Variants in ADAMDEC1 observed in about 807,000 individuals in gnomAD.
ADAMDEC1 encodes ADAM DEC1.
A neutral mutation model predicts 60.4 loss-of-function variants in ADAMDEC1; 62 were observed. The observed-to-expected ratio is 1.03, with a 90% CI of 0.84 to 1.27. The LOEUF is 1.27. Ranked by LOEUF, ADAMDEC1 falls within the 50% of genes most tolerant of loss-of-function variation. ADAMDEC1 has a pLI of 0.00. For synonymous variants in ADAMDEC1, 210 were observed against 195.1 expected (o/e 1.08, Z -0.64); for missense variants, 595 against 565.0 (o/e 1.05, Z -0.54).
In ADAMDEC1 at chr8:24,405,310, T is replaced by G. The variant is rs377062786; in HGVS notation, c.*12T>G. 26 of 1,612,630 alleles carry G rather than the reference T, an allele frequency of 1.6e-5. No individual in the cohort carries two copies. In the African/African-American group the frequency reaches 3.2e-4, roughly 20 times the overall value. ...CAATCAGAGAGTGAATCCAAAAGTC[T>G]GCTTCACTGAGATGCTACCTTGCCA... On this transcript the variant is annotated 3_prime_UTR_variant, in exon 14 of 14. Transcript: ENST00000256412.
At chr8:24,392,191 A>G in intron 1 of ADAMDEC1, 71 bp from the exon 2 acceptor site, 1 of 1,194,480 alleles carries the variant, frequency 8.4e-7, no homozygotes, top group Non-Finnish European at 1.2e-6. Flanking sequence ...CAAGAAATGA[A>G]AACAAAACAC....
At position 24,393,291 on chromosome 8, in the gene ADAMDEC1, G is replaced by A. The variant is rs1390747378; in HGVS notation, c.237G>A (p.Gln79=). 15 of 1,604,974 alleles carry A rather than the reference G, an allele frequency of 9.3e-6. No individual in the cohort carries two copies. The highest frequency in any genetic ancestry group is 1.3e-5 in the Non-Finnish European group (15 of 1,174,868). Residue 79 remains glutamine (Q), a synonymous_variant, in exon 3 of 14, where the codon CAG becomes CAA. Coordinates refer to ENST00000256412, the MANE Select transcript of ADAMDEC1 (RefSeq NM_014479.3). ...EERYEPEVQY[Q]MILNGEEIIL... ...GGTATGAACCTGAAGTTCAATATCAGATGATCTTAAATGGAGAAGAAATCA... is the reference window on the plus strand; with the variant it reads ...GGTATGAACCTGAAGTTCAATATCAAATGATCTTAAATGGAGAAGAAATCA...
chr8:24,386,392 C>A (rs1194440271), intron 1 of ADAMDEC1, among the ~76,000 whole-genome samples: 2 of 152,184 alleles, frequency 1.3e-5, no homozygotes, highest in Admixed American at 6.5e-5. Context: ...CTTGTACTCA[C>A]TGAACTGCTA....
intron 1 of ADAMDEC1, chr8:24,390,105 CTATTA>C: frequency 2.0e-6 from 1 of 488,934 alleles, no homozygotes; most frequent in Non-Finnish European, 3.9e-6. Flanking sequence ...AATGTCTATT[CTATTA>C]TTTTATTTAA....
intron 1 of ADAMDEC1, among the ~76,000 whole-genome samples, chr8:24,390,584 G>A (rs1412633458): frequency 6.6e-6 from 1 of 151,950 alleles, no homozygotes; most frequent in Admixed American, 6.5e-5. Context: ...GCCAGGTGTG[G>A]TGGTACGCAA....
At chr8:24,401,382 T>C (rs200544447) in intron 11 of ADAMDEC1, among the ~76,000 whole-genome samples, 1 of 152,318 alleles carries the variant, frequency 6.6e-6, no homozygotes, top group South Asian at 2.1e-4. Flanking sequence ...AATCAACCAA[T>C]CAATCTGTTT....
Position 24,384,562 on chromosome 8 carries a change from C to T in ADAMDEC1, c.58C>T (p.Pro20Ser), listed in dbSNP as rs781117033. 1.4e-5 allele frequency: 22 copies of T among 1,611,142 alleles called. No homozygotes were observed. The highest frequency in any genetic ancestry group is 2.2e-5 in the South Asian group (2 of 90,656). ...AVATMSWVLL[P>S]VLWLIVQTQA... ...GGCCACCATGTCTTGGGTCCTGCTG[C>T]CTGTACTTTGGCTCATTGTTCAAAC... Residue 20 changes from proline to serine, a missense_variant, in exon 1 of 14, where the codon CCT becomes TCT. Coordinates refer to ENST00000256412, the MANE Select transcript of ADAMDEC1 (RefSeq NM_014479.3).
chr8:24,395,863 A>G, intron 5 of ADAMDEC1, 67 bp downstream of exon 5: 1 of 1,229,794 alleles, frequency 8.1e-7, no homozygotes, highest in Non-Finnish European at 1.2e-6. Flanking sequence ...AAGGGCTACT[A>G]GATATTGTCT....
In ADAMDEC1 at chr8:24,397,409, G is replaced by A. The variant is rs767394749; in HGVS notation, c.580G>A (p.Gly194Arg). The change falls in exon 6 of 14, where the codon GGG becomes AGG. Residue 194 changes from glycine to arginine, a missense_variant. By Grantham distance (125) the Gly-to-Arg change is moderately radical. Coordinates refer to ENST00000256412, the MANE Select transcript of ADAMDEC1 (RefSeq NM_014479.3). The stretch of plus-strand genomic sequence containing the variant: ...CACATGTGGTGTGAAGAGCACTGAC[G>A]GGAAACAAGGCCCAATTCGAATCTC... Reference protein sequence around the residue: ...NHTCGVKSTDGKQGPIRISRS... With the variant: ...NHTCGVKSTDRKQGPIRISRS... The A allele has an allele frequency of 6.2e-5, 100 of 1,613,868 alleles. No individual in the cohort carries two copies. The Admixed American group carries it at 8.2e-4, about 13-fold the overall frequency.
At chr8:24,399,368 G>A (rs1817701706) in intron 9 of ADAMDEC1, 25 bp from the exon 10 acceptor site, 1 of 1,597,456 alleles carries the variant, frequency 6.3e-7, no homozygotes, top group East Asian at 2.2e-5. Flanking sequence ...GATTGTGACA[G>A]TAGTATCTGT....
At chr8:24,384,654 G>A in intron 1 of ADAMDEC1, 62 bp downstream of exon 1, 1 of 1,442,102 alleles carries the variant, frequency 6.9e-7, no homozygotes, top group South Asian at 1.3e-5. Context: ...TGTTTAAAGT[G>A]CCTTTTGAAA....
chr8:24,397,793 A>C (rs79551239), intron 7 of ADAMDEC1, 48 bp downstream of exon 7: 42,375 of 1,551,076 alleles, frequency 0.027, 734 homozygotes, highest in East Asian at 0.076. Flanking sequence ...TCACCCTTTA[A>C]GTTTACTTAT....
rs764911017 is a variant in ADAMDEC1 at position 24,393,284 on chromosome 8, A to G, written c.230A>G (p.Gln77Arg). Residue 77 changes from glutamine (Q) to arginine (R), a missense_variant, in exon 3 of 14, where the codon CAA (glutamine) becomes CGA (arginine). By Grantham distance (43) the Gln-to-Arg change is conservative. Coordinates refer to ENST00000256412, the MANE Select transcript of ADAMDEC1 (RefSeq NM_014479.3). ...CAGGAAAGGTATGAACCTGAAGTTC[A>G]ATATCAGATGATCTTAAATGGAGAA... ...GKEERYEPEV[Q>R]YQMILNGEEI... 5.6e-6 allele frequency: 9 copies of G among 1,603,612 alleles called. No individual in the cohort carries two copies. Among genetic ancestry groups the G allele is most frequent in the Admixed American group, 3.4e-5 (2 of 58,922 alleles).
chr8:24,392,481 G>A, intron 2 of ADAMDEC1, 101 bp downstream of exon 2: 1 of 832,730 alleles, frequency 1.2e-6, no homozygotes. Flanking sequence ...CTATGTAATA[G>A]TTTCATATTG....
At chr8:24,387,396 T>G (rs1817320919) in intron 1 of ADAMDEC1, 1 of 152,122 alleles carries the variant, frequency 6.6e-6, no homozygotes, top group African/African-American at 2.4e-5. Flanking sequence ...TCCCTTCCCT[T>G]TTTAGGCTCT....
rs752025567 is a variant in ADAMDEC1, at chr8:24,400,171, C to CT, written c.1014dup (p.Lys339Ter). The stretch of plus-strand genomic sequence containing the variant: ...AATAAATATATCTACTTTTTCCAGG[C>CT]TAAAAAAAAGAATAATGTGGCTCTT... On this transcript the variant is annotated frameshift_variant and splice_region_variant, in exon 11 of 14. Transcript: ENST00000256412. LOFTEE classifies it high-confidence loss of function. 1 of 1,568,766 alleles carries CT rather than the reference C, an allele frequency of 6.4e-7. No individual in the cohort carries two copies. The highest frequency in any genetic ancestry group is 1.4e-5 in the African/African-American group (1 of 72,812).
At chr8:24,388,188 C>A (rs1210939245) in intron 1 of ADAMDEC1, among the ~76,000 whole-genome samples, 1 of 152,132 alleles carries the variant, frequency 6.6e-6, no homozygotes, top group Admixed American at 6.6e-5. Context: ...TTCAGTTATT[C>A]TTCCCCGAGG....
At position 24,399,045 on chromosome 8, in the gene ADAMDEC1, G is replaced by C. The variant is rs1457097550; in HGVS notation, c.929+5G>C. 3 of 1,610,008 alleles carry C rather than the reference G, an allele frequency of 1.9e-6. No individual in the cohort carries two copies. In the African/African-American group the frequency reaches 4.0e-5, roughly 22 times the overall value. On this transcript the variant is annotated splice_donor_5th_base_variant and intron_variant, in intron 9 of 13. Transcript: ENST00000256412. The stretch of plus-strand genomic sequence containing the variant: ...CGACCATGCTCAGCTTCTCAGGTGA[G>C]CACATGCTGGCCAGGTGAATGTAGG...
chr8:24,391,832 G>T (rs1252500475), intron 1 of ADAMDEC1, among the ~76,000 whole-genome samples: 1 of 151,708 alleles, frequency 6.6e-6, no homozygotes, highest in African/African-American at 2.4e-5. Flanking sequence ...GAGGGAAAAG[G>T]GTATAAAAAA....
Sources: gnomAD v4.1 joint callset for allele counts (sites outside exome capture counted in the v4.1 genomes callset) on GRCh38, gnomAD v4.1.1 for gene constraint, MANE v1.5 for transcripts, NCBI Gene and HGNC (gene_info 2026-07-23, HGNC 2026-07-21) for gene names.